The following TAGLN2 variants were observed in gnomAD, a reference collection of about 807,000 sequenced individuals.
The protein encoded by TAGLN2 is transgelin-2.
TAGLN2 carries 14 observed loss-of-function variants against 24.9 expected under a neutral mutation model. The ratio of observed to expected loss-of-function variants is 0.56; its 90% CI spans 0.37 to 0.88. TAGLN2 has a LOEUF of 0.88. Among genes scored for constraint, TAGLN2 ranks in the 40% least tolerant of loss-of-function variants. The pLI, the probability that TAGLN2 is intolerant of heterozygous loss-of-function variation, is 0.00. For missense variants in TAGLN2, 208 were observed against 258.9 expected, an observed-to-expected ratio of 0.80 and a Z score of 1.35; for synonymous variants, 77 against 98.2, an observed-to-expected ratio of 0.78 and a Z score of 1.28.
chr1:159,919,065 A>C, intron 4 of TAGLN2, 124 bp from the exon 5 acceptor site: 1 of 1,472,070 alleles, frequency 6.8e-7, no homozygotes, highest in Non-Finnish European at 9.3e-7. Flanking sequence ...CTCGAGAGCC[A>C]TAAGCTCTCT....
chr1:159,923,443 A>G, intron 1 of TAGLN2: 2 of 1,549,922 alleles, frequency 1.3e-6, no homozygotes, highest in Non-Finnish European at 1.7e-6. Flanking sequence ...TACCTCACCA[A>G]AGCCAAAGCC....
chr1:159,918,854 G>T lies in TAGLN2; in HGVS notation c.546C>A (p.Arg182=). Residue 182 remains arginine (R), a synonymous_variant, in exon 5 of 5, where the codon CGC becomes CGA. Transcript: ENST00000368097. ...CAGTCATGCCTGCCTGAGACGCCCC[G>T]CGGTTGGTGCCCATCTGTAACCCGA... ...NVIGLQMGTN[R]GASQAGMTGY... 6.2e-7 allele frequency: 1 copy of T among 1,614,222 alleles called. No individual in the cohort carries two copies. The highest frequency in any genetic ancestry group is 8.5e-7 in the Non-Finnish European group (1 of 1,180,026).
chr1:159,919,698 G>A lies in TAGLN2; in HGVS notation c.318C>T (p.Asn106=), dbSNP rs370729701. The A allele has an allele frequency of 3.1e-6, 5 of 1,613,352 alleles. No individual in the cohort carries two copies. Among genetic ancestry groups the A allele is most frequent in the African/African-American group, 2.7e-5 (2 of 74,918 alleles). The change falls in exon 3 of 5, where the codon AAC becomes AAT. Residue 106 remains asparagine, a synonymous_variant. Transcript: ENST00000368097. ...FLQAAERYGI[N]TTDIFQTVDL... is the part of the protein sequence containing the mutation. ...CCACAGTTTGGAAGATGTCAGTGGTGTTAATGCCATAGCGCTCAGCTGCTT... is the reference window on the plus strand; with the variant it reads ...CCACAGTTTGGAAGATGTCAGTGGTATTAATGCCATAGCGCTCAGCTGCTT...
intron 2 of TAGLN2, chr1:159,920,122 G>T: frequency 1.2e-6 from 1 of 846,542 alleles, no homozygotes; most frequent in Non-Finnish European, 2.0e-6. Context: ...TCCACTGCCT[G>T]GGAGGCACAT....
chr1:159,923,665 T>A, intron 1 of TAGLN2: 2 of 482,392 alleles, frequency 4.1e-6, no homozygotes, highest in Non-Finnish European at 7.2e-6. Flanking sequence ...GCAGCAAGGA[T>A]GGGGGGCGGC....
At chr1:159,923,665 T>TG in intron 1 of TAGLN2, 1 of 482,390 alleles carries the variant, frequency 2.1e-6, no homozygotes, top group Non-Finnish European at 3.6e-6. Flanking sequence ...GCAGCAAGGA[T>TG]GGGGGGCGGC....
Position 159,920,473 on chromosome 1 carries a change from C to G in TAGLN2, c.37G>C (p.Glu13Gln). ...TGTTTCTCAATCTTCTGCTGCACCT[C>G]CCGGCTCAGGCCATATGCAGGTCCC... ...NRGPAYGLSR[E>Q]VQQKIEKQYD... is the part of the protein sequence containing the mutation. The change falls in exon 2 of 5, where the codon GAG becomes CAG. Residue 13 changes from glutamate (E) to glutamine (Q), a missense_variant. Transcript: ENST00000368097. 4 of 1,614,282 alleles carry G rather than the reference C, an allele frequency of 2.5e-6. No homozygotes were observed. Among genetic ancestry groups the G allele is most frequent in the Non-Finnish European group, 3.4e-6 (4 of 1,180,048 alleles).
At chr1:159,922,331 C>A (rs1650557830) in intron 1 of TAGLN2, among the ~76,000 whole-genome samples, 1 of 152,218 alleles carries the variant, frequency 6.6e-6, no homozygotes, top group Non-Finnish European at 1.5e-5. Flanking sequence ...TATTTTTAAA[C>A]CTCATTAAGA....
chr1:159,920,211 G>A (rs748704981), intron 2 of TAGLN2, 119 bp downstream of exon 2: 1 of 1,517,988 alleles, frequency 6.6e-7, no homozygotes, highest in Admixed American at 1.7e-5. Flanking sequence ...TTCAAGCTGA[G>A]GAAGAGGCTG....
chr1:159,920,992 A>C (rs1650512948), intron 1 of TAGLN2, among the ~76,000 whole-genome samples: 2 of 152,200 alleles, frequency 1.3e-5, no homozygotes, highest in East Asian at 3.8e-4. Context: ...AGTTCAGATC[A>C]CATGTTGTAG....
intron 3 of TAGLN2, 27 bp from the exon 4 acceptor site, chr1:159,919,403 G>A: frequency 6.2e-7 from 1 of 1,606,402 alleles, no homozygotes; most frequent in Non-Finnish European, 8.5e-7. Context: ...GAATGTGTCA[G>A]CCTCCGCAGT....
In TAGLN2 at chr1:159,918,602, G is replaced by C. The variant is rs1650418766; in HGVS notation, c.*198C>G. 1 of 714,200 alleles carries C rather than the reference G, an allele frequency of 1.4e-6. No homozygotes were observed. Among genetic ancestry groups the C allele is most frequent in the Admixed American group, 3.0e-5 (1 of 33,340 alleles). 44.2% of individuals were successfully genotyped at this position (714,200 alleles called of 1,614,324 possible). A position where few individuals can be genotyped will look rare whatever the true frequency, so the allele number is the denominator to read the frequency against. ...AGTTGGTCCAGTTTTGATGGCTATG[G>C]GGAAGGGAATGTATTAGTAAGCATG... On this transcript the variant is annotated 3_prime_UTR_variant, in exon 5 of 5. Transcript: ENST00000368097.
chr1:159,919,711 C>T lies in TAGLN2; in HGVS notation c.305G>A (p.Arg102His), dbSNP rs148732133. ...QISQFLQAAE[R>H]YGINTTDIFQ... ...GATGTCAGTGGTGTTAATGCCATAGCGCTCAGCTGCTTGCAGGAACTGAGA... is the reference window on the plus strand; with the variant it reads ...GATGTCAGTGGTGTTAATGCCATAGTGCTCAGCTGCTTGCAGGAACTGAGA... The change falls in exon 3 of 5, where the codon CGC becomes CAC. Residue 102 changes from arginine to histidine, a missense_variant. Transcript: ENST00000368097. 43 of 1,613,562 alleles carry T rather than the reference C, an allele frequency of 2.7e-5. No homozygotes were observed. The highest frequency in any genetic ancestry group is 1.7e-4 in the Middle Eastern group (1 of 5,812).
intron 1 of TAGLN2, chr1:159,923,547 G>C: frequency 1.4e-6 from 2 of 1,438,612 alleles, no homozygotes; most frequent in Admixed American, 2.2e-5. Context: ...TCCATCCACC[G>C]TGCAGATGGA....
chr1:159,920,749 G>C (rs1650504062), intron 1 of TAGLN2, among the ~76,000 whole-genome samples: 1 of 152,160 alleles, frequency 6.6e-6, no homozygotes, highest in Admixed American at 6.5e-5. Context: ...GAACAGCTTA[G>C]GAAACTGGTT....
At chr1:159,923,143 G>A (rs1237014066) in intron 1 of TAGLN2, among the ~76,000 whole-genome samples, 2 of 152,220 alleles carry the variant, frequency 1.3e-5, no homozygotes, top group Non-Finnish European at 2.9e-5. Flanking sequence ...CAGGGGACCT[G>A]CCCCTGCCTT....
chr1:159,924,090 A>C (rs1557926976), intron 1 of TAGLN2, among the ~76,000 whole-genome samples: 1 of 152,056 alleles, frequency 6.6e-6, no homozygotes, highest in African/African-American at 2.4e-5. Flanking sequence ...GGGAAGGGAA[A>C]GTGTTCTGAG....
intron 1 of TAGLN2, among the ~76,000 whole-genome samples, chr1:159,920,794 GC>G (rs1158044149): frequency 6.6e-6 from 1 of 152,160 alleles, no homozygotes; most frequent in African/African-American, 2.4e-5. Context: ...GGTTTTCTTT[GC>G]TTTTTTTTTA....
chr1:159,919,387 G>T lies in TAGLN2; in HGVS notation c.356-11C>A. On this transcript the variant is annotated splice_polypyrimidine_tract_variant and intron_variant, in intron 3 of 4. Coordinates refer to ENST00000368097, the MANE Select transcript of TAGLN2 (RefSeq NM_003564.3). ...AGGCCATGTTCTTTCCTGGGAAGGAGAATGGGAATGTGTCAGCCTCCGCAG... is the reference window on the plus strand; with the variant it reads ...AGGCCATGTTCTTTCCTGGGAAGGATAATGGGAATGTGTCAGCCTCCGCAG... 1 of 1,613,414 alleles carries T rather than the reference G, an allele frequency of 6.2e-7. No homozygotes were observed. The highest frequency in any genetic ancestry group is 8.5e-7 in the Non-Finnish European group (1 of 1,179,308).
Sources: gnomAD v4.1 joint callset for allele counts (sites outside exome capture counted in the v4.1 genomes callset) on GRCh38, gnomAD v4.1.1 for gene constraint, MANE v1.5 for transcripts, NCBI Gene and HGNC (gene_info 2026-07-23, HGNC 2026-07-21) for gene names.